MARCHF1: variants seen among roughly 807,000 people sequenced by gnomAD.
MARCHF1 encodes the protein membrane associated ring-CH-type finger 1.
A neutral mutation model predicts 54.2 loss-of-function variants in MARCHF1; 40 were observed. That is an observed-to-expected ratio of 0.74 (90% CI 0.57 to 0.96). The LOEUF is 0.96. Ranked by LOEUF, MARCHF1 falls within the 40% of genes least tolerant of loss-of-function variation. The pLI is 0.00. For missense variants in MARCHF1, 586 were observed against 656.5 expected, an observed-to-expected ratio of 0.89 and a Z score of 1.17; for synonymous variants, 236 against 236.3, an observed-to-expected ratio of 1.00 and a Z score of 0.01.
At chr4:164,009,346 C>A (rs138734874) in intron 2 of MARCHF1, among the ~76,000 whole-genome samples, 8 of 152,202 alleles carry the variant, frequency 5.3e-5, no homozygotes, top group Admixed American at 3.3e-4. Context: ...CTGATAAGTT[C>A]CCTGCTGAAT....
At chr4:164,247,644 A>T (rs1015939317) in intron 1 of MARCHF1, among the ~76,000 whole-genome samples, 19 of 127,754 alleles carry the variant, frequency 1.5e-4, no homozygotes, top group African/African-American at 5.1e-4. Context: ...AAAAGAAAGT[A>T]AAAAAAAAAA....
chr4:163,709,302 A>C (rs1223792414), intron 4 of MARCHF1, among the ~76,000 whole-genome samples: 1 of 152,126 alleles, frequency 6.6e-6, no homozygotes, highest in African/African-American at 2.4e-5. Context: ...TAGGCCAGGC[A>C]AGCAGGCTCA....
intron 3 of MARCHF1, among the ~76,000 whole-genome samples, chr4:163,864,175 A>G (rs985432180): frequency 6.6e-6 from 1 of 152,082 alleles, no homozygotes; most frequent in African/African-American, 2.4e-5. Context: ...ATATGAAAAG[A>G]CAGAAAAATA....
chr4:163,815,889 T>C (rs953863025), intron 4 of MARCHF1, among the ~76,000 whole-genome samples: 4 of 152,174 alleles, frequency 2.6e-5, no homozygotes, highest in Admixed American at 2.6e-4. Flanking sequence ...AAAAATAGCA[T>C]ACATCTTTTT....
intron 3 of MARCHF1, among the ~76,000 whole-genome samples, chr4:163,919,161 T>C (rs1560819301): frequency 6.6e-6 from 1 of 152,090 alleles, no homozygotes; most frequent in Admixed American, 6.6e-5. Context: ...ACAAATGTTA[T>C]TATGAGTTGA....
chr4:164,142,331 A>T (rs890875012), intron 1 of MARCHF1, among the ~76,000 whole-genome samples: 1 of 152,142 alleles, frequency 6.6e-6, no homozygotes, highest in Non-Finnish European at 1.5e-5. Flanking sequence ...CAGCTCAAGG[A>T]GGCCTGCCTG....
At chr4:163,936,494 C>T (rs1751798382) in intron 3 of MARCHF1, among the ~76,000 whole-genome samples, 1 of 152,128 alleles carries the variant, frequency 6.6e-6, no homozygotes, top group South Asian at 2.1e-4. Flanking sequence ...AATTCTTGTA[C>T]CTGAGAAATT....
At chr4:163,586,974 TA>T (rs200689735) in intron 7 of MARCHF1, among the ~76,000 whole-genome samples, 195 of 152,164 alleles carry the variant, frequency 1.3e-3, no homozygotes, top group African/African-American at 4.4e-3. Context: ...CATCATTGTC[TA>T]AAAAAAATCA....
intron 7 of MARCHF1, among the ~76,000 whole-genome samples, chr4:163,596,029 C>T (rs1419607812): frequency 6.6e-6 from 1 of 151,322 alleles, no homozygotes; most frequent in South Asian, 2.1e-4. Context: ...GAGAGCCTAT[C>T]ACAATAGTCA....
chr4:164,223,028 T>C lies in MARCHF1; in HGVS notation c.-322-111366A>G, dbSNP rs565554440. Among the ~76,000 whole-genome samples, 96 of 152,110 alleles carry C rather than the reference T, an allele frequency of 6.3e-4. No individual in the cohort carries two copies. In the South Asian group the frequency reaches 0.019, roughly 31 times the overall value. ...GGGAAGGGAGCTTGTGCAGGGGAAC[T>C]ACCATTTATAAAACCATCAGATTCT... is the stretch of plus-strand genomic sequence containing the variant. On this transcript the variant is annotated intron_variant, in intron 1 of 9. Coordinates refer to ENST00000514618, the MANE Select transcript of MARCHF1 (RefSeq NM_001394959.1).
chr4:164,038,033 T>C (rs1393651533), intron 2 of MARCHF1, among the ~76,000 whole-genome samples: 1 of 152,126 alleles, frequency 6.6e-6, no homozygotes, highest in Non-Finnish European at 1.5e-5. Context: ...GAGGGAGCTT[T>C]GTTGTGATTA....
intron 4 of MARCHF1, among the ~76,000 whole-genome samples, chr4:163,787,240 A>C (rs568175038): frequency 6.6e-6 from 1 of 151,906 alleles, no homozygotes; most frequent in African/African-American, 2.4e-5. Context: ...GACTCCATCA[A>C]ACTTAAATCC....
chr4:163,574,204 T>C (rs556056045), intron 8 of MARCHF1, among the ~76,000 whole-genome samples: 2,846 of 152,306 alleles, frequency 0.019, 76 homozygotes, highest in African/African-American at 0.063. Context: ...TTGTAGATTC[T>C]GGATATTAGC....
At chr4:163,871,176 CA>C (rs1750161168) in intron 3 of MARCHF1, among the ~76,000 whole-genome samples, 1 of 151,812 alleles carries the variant, frequency 6.6e-6, no homozygotes, top group African/African-American at 2.4e-5. Flanking sequence ...AGAAACCAAG[CA>C]AAGTAGTAAA....
At chr4:164,242,577 T>C (rs924456898) in intron 1 of MARCHF1, among the ~76,000 whole-genome samples, 1 of 152,010 alleles carries the variant, frequency 6.6e-6, no homozygotes, top group Non-Finnish European at 1.5e-5. Flanking sequence ...GCGCCTCTCC[T>C]CCTCCAAAGG....
intron 7 of MARCHF1, among the ~76,000 whole-genome samples, chr4:163,586,329 C>T (rs1008007944): frequency 2.6e-5 from 4 of 152,046 alleles, no homozygotes; most frequent in African/African-American, 9.7e-5. Context: ...GGTTGAATCT[C>T]CAGGATATCT....
At chr4:163,819,139 C>A (rs559139109) in intron 4 of MARCHF1, among the ~76,000 whole-genome samples, 412 of 152,218 alleles carry the variant, frequency 2.7e-3, no homozygotes, top group Admixed American at 5.3e-3. Context: ...CTAATGACCA[C>A]ACTTCCAAAT....
intron 2 of MARCHF1, among the ~76,000 whole-genome samples, chr4:164,077,760 GCAAA>G (rs1162942556): frequency 6.6e-6 from 1 of 152,180 alleles, no homozygotes; most frequent in Non-Finnish European, 1.5e-5. Context: ...CATTTATGCG[GCAAA>G]CAAACACATG....
intron 3 of MARCHF1, among the ~76,000 whole-genome samples, chr4:163,954,916 A>G (rs1752201594): frequency 6.6e-6 from 1 of 152,124 alleles, no homozygotes; most frequent in Non-Finnish European, 1.5e-5. Context: ...ATTTCAACAA[A>G]CTATAGACTG....
Sources: allele counts gnomAD v4.1 joint callset (sites outside exome capture counted in the v4.1 genomes callset), GRCh38; gene constraint gnomAD v4.1.1; transcripts MANE v1.5; gene names NCBI Gene and HGNC (gene_info 2026-07-23, HGNC 2026-07-21).